Variants in CLTCL1 observed in about 807,000 individuals in gnomAD.
The protein encoded by CLTCL1 is clathrin heavy chain 2.
CLTCL1 carries 159 observed loss-of-function variants against 190.0 expected under a neutral mutation model. That is an observed-to-expected ratio of 0.84 (90% confidence interval 0.74 to 0.95). The LOEUF (loss-of-function observed/expected upper bound fraction) is 0.95, where lower values mean the gene tolerates loss of function less well. Among genes scored for constraint, CLTCL1 ranks in the 40% least tolerant of loss-of-function variants. CLTCL1 has a pLI of 0.00. For missense variants in CLTCL1, 1,878 were observed against 2,033.4 expected (o/e 0.92, Z 1.47); for synonymous variants, 752 against 769.6 (o/e 0.98, Z 0.38).
chr22:19,235,608 C>T, intron 6 of CLTCL1, 88 bp downstream of exon 6: 1 of 1,285,718 alleles, frequency 7.8e-7, no homozygotes. Context: ...TAGCTACACC[C>T]AGCTGCTTTC....
rs5748066 is a variant in CLTCL1, at chr22:19,241,752, C to T, written c.681+1023G>A. Among the ~76,000 whole-genome samples, 1,435 of 152,270 alleles carry T rather than the reference C, an allele frequency of 9.4e-3. 35 individuals are homozygous for T. The highest frequency in any genetic ancestry group is 0.069 in the East Asian group (356 of 5,180). On this transcript the variant is annotated intron_variant, in intron 4 of 32. Transcript: ENST00000427926. ...TCACCTCTGCCCATGGCAGCCCTGC[C>T]GAGCAGCCGCTGGCCATGTCCCTGA...
At chr22:19,231,762 T>C (rs2085923810) in intron 10 of CLTCL1, among the ~76,000 whole-genome samples, 1 of 152,226 alleles carries the variant, frequency 6.6e-6, no homozygotes, top group Non-Finnish European at 1.5e-5. Context: ...TTTGAACAAC[T>C]TTAAAATATG....
chr22:19,188,066 G>T lies in CLTCL1; in HGVS notation c.4349C>A (p.Pro1450His). Residue 1450 changes from proline (P) to histidine (H), a missense_variant, in exon 28 of 33, where the codon CCT becomes CAT. Coordinates refer to ENST00000427926, the MANE Select transcript of CLTCL1 (RefSeq NM_007098.4). ...GTGGCTCTGGACTGACCGCAGGTAA[G>T]GCTTCACCAGGGGCAGCTGACCTGC... ...SKAGQLPLVKPYLRSVQSHNN... is the reference protein window; with the variant it reads ...SKAGQLPLVKHYLRSVQSHNN... 1 of 1,614,034 alleles carries T rather than the reference G, an allele frequency of 6.2e-7. No homozygotes were observed. The highest frequency in any genetic ancestry group is 1.1e-5 in the South Asian group (1 of 91,084).
At position 19,197,112 on chromosome 22, in the gene CLTCL1, C is replaced by T. The variant is rs150028489; in HGVS notation, c.3874-456G>A. Among the ~76,000 whole-genome samples, 845 of 152,216 alleles carry T rather than the reference C, an allele frequency of 5.6e-3. 11 individuals are homozygous for T. The highest frequency in any genetic ancestry group is 0.018 in the African/African-American group (759 of 41,506). On this transcript the variant is annotated intron_variant, in intron 24 of 32. Coordinates refer to ENST00000427926, the MANE Select transcript of CLTCL1 (RefSeq NM_007098.4). Reference sequence around the variant, plus strand: ...CCAGCCCCTTGCATTCAGCCCCACACGCCTCTGACACTCTCCCTGGACAAG... The same window carrying T: ...CCAGCCCCTTGCATTCAGCCCCACATGCCTCTGACACTCTCCCTGGACAAG...
At chr22:19,266,191 A>G (rs1018981083) in intron 2 of CLTCL1, among the ~76,000 whole-genome samples, 4 of 152,140 alleles carry the variant, frequency 2.6e-5, no homozygotes, top group Non-Finnish European at 4.4e-5. Flanking sequence ...CCCAAACCTT[A>G]GTTAATGATC....
At chr22:19,196,090 C>T (rs1243161361) in intron 26 of CLTCL1, among the ~76,000 whole-genome samples, 176 bp downstream of exon 26, 3 of 152,138 alleles carry the variant, frequency 2.0e-5, no homozygotes, top group Admixed American at 6.5e-5. Flanking sequence ...TGTCAGTTCC[C>T]TTCAAAGATG....
chr22:19,237,519 T>G (rs1276716190), intron 5 of CLTCL1, among the ~76,000 whole-genome samples: 1 of 152,060 alleles, frequency 6.6e-6, no homozygotes, highest in African/African-American at 2.4e-5. Flanking sequence ...GTGATGAGAG[T>G]GTGCCCCTGA....
At chr22:19,234,427 T>G in intron 7 of CLTCL1, 82 bp downstream of exon 7, 1 of 1,255,694 alleles carries the variant, frequency 8.0e-7, no homozygotes, top group Non-Finnish European at 1.1e-6. Flanking sequence ...ATATCACTAG[T>G]GAAATGCTTT....
chr22:19,280,313 C>T (rs2087660282), intron 1 of CLTCL1, among the ~76,000 whole-genome samples: 1 of 151,424 alleles, frequency 6.6e-6, no homozygotes, highest in African/African-American at 2.4e-5. Context: ...TGACAAGATA[C>T]TGGATGATAC....
intron 6 of CLTCL1, among the ~76,000 whole-genome samples, chr22:19,235,376 G>T (rs148966787): frequency 2.1e-3 from 316 of 152,286 alleles, no homozygotes; most frequent in African/African-American, 7.2e-3. Flanking sequence ...CTATGGTTGA[G>T]AAAAGTTACT....
chr22:19,214,033 G>C (rs1056379524), intron 19 of CLTCL1, among the ~76,000 whole-genome samples: 1 of 152,172 alleles, frequency 6.6e-6, no homozygotes, highest in African/African-American at 2.4e-5. Flanking sequence ...CTGTATGACT[G>C]TACTACAGCC....
chr22:19,264,663 A>G (rs2087059228), intron 2 of CLTCL1, among the ~76,000 whole-genome samples: 1 of 152,240 alleles, frequency 6.6e-6, no homozygotes, highest in African/African-American at 2.4e-5. Flanking sequence ...GTTTTAAACC[A>G]CAATTTGAGA....
rs199621612 is a variant in CLTCL1 at position 19,201,314 on chromosome 22, T to C, written c.3765+15A>G. Reference sequence around the variant, plus strand: ...GTCCAGCACACTCTGCCGTCTGCAGTTGCCCGCAGCTCACCTCCTTCCACG... The same window carrying C: ...GTCCAGCACACTCTGCCGTCTGCAGCTGCCCGCAGCTCACCTCCTTCCACG... On this transcript the variant is annotated intron_variant, in intron 23 of 32. Coordinates refer to ENST00000427926, the MANE Select transcript of CLTCL1 (RefSeq NM_007098.4). 105 of 1,601,544 alleles carry C rather than the reference T, an allele frequency of 6.6e-5. No homozygotes were observed. The African/African-American group carries it at 1.2e-3, about 18-fold the overall frequency.
At chr22:19,237,647 G>A (rs974294894) in intron 5 of CLTCL1, among the ~76,000 whole-genome samples, 3 of 152,196 alleles carry the variant, frequency 2.0e-5, no homozygotes, top group Admixed American at 1.3e-4. Context: ...ATCAACAGGG[G>A]ATTGTTTAAA....
rs1028075501 is a variant in CLTCL1 at position 19,278,420 on chromosome 22, C to G, written c.43-2590G>C. On this transcript the variant is annotated intron_variant, in intron 1 of 32. Coordinates refer to ENST00000427926, the MANE Select transcript of CLTCL1 (RefSeq NM_007098.4). ...TGGTTTGGAAGCCCAGGGCACAGAG[C>G]CCCAGGACACACCAAGGCTTAGAAG... Among the ~76,000 whole-genome samples the G allele has an allele frequency of 7.2e-5, 11 of 152,132 alleles. No homozygotes were observed. In the South Asian group the frequency reaches 8.3e-4, roughly 12 times the overall value.
At chr22:19,249,276 T>C (rs2086515109) in intron 3 of CLTCL1, among the ~76,000 whole-genome samples, 1 of 152,096 alleles carries the variant, frequency 6.6e-6, no homozygotes, top group Admixed American at 6.6e-5. Context: ...GGAGGATTGC[T>C]TGAACCCGGG....
Position 19,221,523 on chromosome 22 carries a change from T to C in CLTCL1, c.2650A>G (p.Ile884Val), listed in dbSNP as rs782213330. The C allele has an allele frequency of 5.6e-6, 9 of 1,605,512 alleles. No homozygotes were observed. Among genetic ancestry groups the C allele is most frequent in the South Asian group, 3.4e-5 (3 of 89,158 alleles). Residue 884 changes from isoleucine (I) to valine (V), a missense_variant, in exon 17 of 33, where the codon ATC (isoleucine) becomes GTC (valine). Physicochemically the swap from Ile to Val is conservative, Grantham distance 29. Transcript: ENST00000427926. ...ATHNALAKIYIDSNNSPECFL... is the reference protein window; with the variant it reads ...ATHNALAKIYVDSNNSPECFL... ...CACTCGGGGCTGTTGTTGCTGTCGATGTAGATTTTAGCCAGTGCATTGTGA... is the reference window on the plus strand; with the variant it reads ...CACTCGGGGCTGTTGTTGCTGTCGACGTAGATTTTAGCCAGTGCATTGTGA...
rs1414424058 is a variant in CLTCL1 at position 19,242,886 on chromosome 22, A to G, written c.570T>C (p.Val190=). 1.9e-6 allele frequency: 3 copies of G among 1,614,014 alleles called. No individual in the cohort carries two copies. In the South Asian group the frequency reaches 3.3e-5, roughly 18 times the overall value. The change falls in exon 4 of 33, where the codon GTT becomes GTC. Residue 190 remains valine, a synonymous_variant. Coordinates refer to ENST00000427926, the MANE Select transcript of CLTCL1 (RefSeq NM_007098.4). ...AMQLYSVDRK[V]SQPIEGHAAA... ...CAGCATGGCCTTCTATGGGTTGTGAAACCTTCCTATCCACAGAGTAGAGCT... is the reference window on the plus strand; with the variant it reads ...CAGCATGGCCTTCTATGGGTTGTGAGACCTTCCTATCCACAGAGTAGAGCT...
intron 6 of CLTCL1, 103 bp from the exon 7 acceptor site, chr22:19,234,809 G>T: frequency 9.3e-7 from 1 of 1,076,252 alleles, no homozygotes; most frequent in Non-Finnish European, 1.4e-6. Flanking sequence ...ACATTCTCAG[G>T]CGAGTGTTGA....
Sources: gnomAD v4.1 joint callset for allele counts (sites outside exome capture counted in the v4.1 genomes callset) on GRCh38, gnomAD v4.1.1 for gene constraint, MANE v1.5 for transcripts, NCBI Gene and HGNC (gene_info 2026-07-23, HGNC 2026-07-21) for gene names.